The following TEX35 variants were observed in gnomAD, a reference collection of about 807,000 sequenced individuals.
The protein encoded by TEX35 is testis-expressed protein 35.
Under a neutral mutation model 31.9 loss-of-function variants are expected in TEX35, and 26 were observed. That is an observed-to-expected ratio of 0.81 (90% CI 0.60 to 1.13). TEX35 has a LOEUF of 1.13. Ranked by LOEUF, TEX35 falls within the 50% of genes most tolerant of loss-of-function variation. The pLI, the probability that TEX35 is intolerant of heterozygous loss-of-function variation, is 0.00. For missense variants in TEX35, 278 were observed against 273.5 expected, an observed-to-expected ratio of 1.02 and a Z score of -0.12; for synonymous variants, 87 against 90.7, an observed-to-expected ratio of 0.96 and a Z score of 0.23.
intron 4 of TEX35, among the ~76,000 whole-genome samples, chr1:178,516,221 C>G (rs1169931415): frequency 2.0e-5 from 3 of 152,222 alleles, no homozygotes; most frequent in Non-Finnish European, 2.9e-5. Flanking sequence ...CAGGGACCAA[C>G]CCCATCTTCC....
chr1:178,520,129 G>T (rs1650209458), intron 5 of TEX35, among the ~76,000 whole-genome samples: 1 of 152,136 alleles, frequency 6.6e-6, no homozygotes, highest in African/African-American at 2.4e-5. Flanking sequence ...GCTGGCCTCT[G>T]GCTCACCTAG....
chr1:178,522,158 A>C, intron 8 of TEX35, 167 bp from the exon 9 acceptor site: 51 of 945,284 alleles, frequency 5.4e-5, no homozygotes, highest in Non-Finnish European at 7.6e-5. Context: ...TGATGCAGGG[A>C]ACCCCTCAGC....
In TEX35 at chr1:178,513,155, TG is replaced by T; in HGVS notation, c.-30del. The T allele has an allele frequency of 2.5e-6, 4 of 1,612,512 alleles. No individual in the cohort carries two copies. The highest frequency in any genetic ancestry group is 3.4e-6 in the Non-Finnish European group (4 of 1,178,794). Reference sequence around the variant, plus strand: ...AGTGGCCTGGTCCCAGGGGCTGTTGTGGGGAGTTGAAGAACACCCTGGCCTC... The same window carrying T: ...AGTGGCCTGGTCCCAGGGGCTGTTGTGGGAGTTGAAGAACACCCTGGCCTC... On this transcript the variant is annotated 5_prime_UTR_variant, in exon 1 of 9. Transcript: ENST00000319416.
intron 8 of TEX35, chr1:178,521,540 C>A: frequency 2.2e-6 from 3 of 1,359,032 alleles, no homozygotes; most frequent in East Asian, 2.5e-5. Flanking sequence ...TCAGGTCCTG[C>A]CCTTTCTCCC....
Position 178,513,812 on chromosome 1 carries a change from C to T in TEX35, c.40-215C>T, listed in dbSNP as rs189916414. Among the ~76,000 whole-genome samples, 20 of 152,366 alleles carry T rather than the reference C, an allele frequency of 1.3e-4. No homozygotes were observed. The East Asian group carries it at 3.5e-3, about 26-fold the overall frequency. On this transcript the variant is annotated intron_variant, in intron 1 of 8. Coordinates refer to ENST00000319416, the MANE Select transcript of TEX35 (RefSeq NM_032126.5). ...GGGCTGCCTGCCAAATAGGCAGACA[C>T]ACGCCCATAGGAAGAGGACAGCACG...
rs80002908 is a variant in TEX35, at chr1:178,513,836, C to T, written c.40-191C>T. On this transcript the variant is annotated intron_variant, in intron 1 of 8. Transcript: ENST00000319416. ...ACACGCCCATAGGAAGAGGACAGCACGACAAGATGTGATTTGTTAGGAATC... is the reference window on the plus strand; with the variant it reads ...ACACGCCCATAGGAAGAGGACAGCATGACAAGATGTGATTTGTTAGGAATC... 5.3e-3 allele frequency among the ~76,000 whole-genome samples: 811 copies of T among 152,286 alleles called. 3 individuals are homozygous for T. Among genetic ancestry groups the T allele is most frequent in the African/African-American group, 0.018 (766 of 41,564 alleles).
At chr1:178,521,368 G>A (rs1650271330) in intron 8 of TEX35, 104 bp downstream of exon 8, 1 of 1,341,780 alleles carries the variant, frequency 7.5e-7, no homozygotes, top group Non-Finnish European at 1.1e-6. Context: ...TCCTGAGGTT[G>A]TGCCAGGAGT....
rs369404446 is a variant in TEX35 at position 178,520,712 on chromosome 1, G to T, written c.381G>T (p.Arg127Ser). ...RRAPKEQQEL[R>S]LMGKTHREPQ... Reference sequence around the variant, plus strand: ...CACCAAAGGAGCAGCAGGAACTCAGGCTGATGGGAAAGACTCACAGAGAAC... The same window carrying T: ...CACCAAAGGAGCAGCAGGAACTCAGTCTGATGGGAAAGACTCACAGAGAAC... Residue 127 changes from arginine (R) to serine (S), a missense_variant, in exon 7 of 9, where the codon AGG becomes AGT. By Grantham distance (110) the Arg-to-Ser change is moderately radical. Transcript: ENST00000319416. The T allele has an allele frequency of 1.9e-6, 3 of 1,614,076 alleles. No individual in the cohort carries two copies. Among genetic ancestry groups the T allele is most frequent in the South Asian group, 1.1e-5 (1 of 91,072 alleles).
chr1:178,520,903 C>A (rs1417237805), intron 7 of TEX35, 29 bp downstream of exon 7: 1 of 1,612,448 alleles, frequency 6.2e-7, no homozygotes, highest in Non-Finnish European at 8.5e-7. Context: ...GAGCCCAGCA[C>A]TGGTGCCAGA....
rs184267032 is a variant in TEX35, at chr1:178,514,328, C to T, written c.90+251C>T. 1,038 of 1,321,070 alleles carry T rather than the reference C, an allele frequency of 7.9e-4. 2 individuals carry two copies. The highest frequency in any genetic ancestry group is 3.4e-3 in the Admixed American group (123 of 36,446). 81.8% of individuals were successfully genotyped at this position (1,321,070 alleles called of 1,614,324 possible). A position where few individuals can be genotyped will look rare whatever the true frequency, so the allele number is the denominator to read the frequency against. On this transcript the variant is annotated intron_variant, in intron 2 of 8. Coordinates refer to ENST00000319416, the MANE Select transcript of TEX35 (RefSeq NM_032126.5). ...ACAGGGAGACATGTCTGAGTGGCTG[C>T]CGTGGAGTGGGTGGTAGGGAAAGGC...
intron 5 of TEX35, 88 bp from the exon 6 acceptor site, chr1:178,520,284 G>C: frequency 7.5e-7 from 1 of 1,338,362 alleles, no homozygotes; most frequent in Non-Finnish European, 1.0e-6. Flanking sequence ...GAGGAAGTAA[G>C]ATGCAGAATG....
At chr1:178,521,933 G>A (rs555523380) in intron 8 of TEX35, 11 of 1,219,788 alleles carry the variant, frequency 9.0e-6, no homozygotes, top group African/African-American at 6.1e-5. Flanking sequence ...ATGGATTGGT[G>A]GGAAATTACA....
chr1:178,517,533 C>A (rs1650124374), intron 5 of TEX35, among the ~76,000 whole-genome samples: 1 of 152,236 alleles, frequency 6.6e-6, no homozygotes, highest in Admixed American at 6.5e-5. Flanking sequence ...AGCCTTTCAC[C>A]TATGCCCTCC....
chr1:178,517,117 T>C (rs1164359026), intron 5 of TEX35, among the ~76,000 whole-genome samples: 1 of 152,196 alleles, frequency 6.6e-6, no homozygotes, highest in Non-Finnish European at 1.5e-5. Flanking sequence ...CCTTGTAGTT[T>C]AGACAAGTTC....
At chr1:178,521,307 C>G (rs371807679) in intron 8 of TEX35, 43 bp downstream of exon 8, 32 of 1,608,752 alleles carry the variant, frequency 2.0e-5, no homozygotes, top group Middle Eastern at 1.7e-4. Context: ...CGATCAGGTG[C>G]CTTGTTGTCC....
intron 5 of TEX35, among the ~76,000 whole-genome samples, chr1:178,518,204 T>C (rs1233717857): frequency 1.3e-5 from 2 of 151,948 alleles, no homozygotes; most frequent in African/African-American, 4.8e-5. Context: ...ATTGTTACAC[T>C]CAAGCAAAAT....
intron 7 of TEX35, 52 bp downstream of exon 7, chr1:178,520,926 G>A (rs369683534): frequency 1.2e-6 from 2 of 1,604,396 alleles, no homozygotes; most frequent in South Asian, 1.1e-5. Context: ...CCTGGCTCCG[G>A]CTCCCTGGTG....
At position 178,516,805 on chromosome 1, in the gene TEX35, G is replaced by C. The variant is rs1650095681; in HGVS notation, c.276+131G>C. The C allele has an allele frequency of 6.9e-6, 4 of 582,742 alleles. No homozygotes were observed. In the African/African-American group the frequency reaches 7.7e-5, roughly 11 times the overall value. The allele number at this position is 582,742 out of a possible 1,614,324, so 36.1% of individuals were successfully genotyped here. ...CCATATTCCATTGCAAGAAAGCATT[G>C]CAAGCCAAATAATTAATTCGTTGTT... On this transcript the variant is annotated intron_variant, in intron 5 of 8. Transcript: ENST00000319416.
intron 7 of TEX35, 112 bp downstream of exon 7, chr1:178,520,986 T>C: frequency 1.3e-6 from 2 of 1,552,418 alleles, no homozygotes; most frequent in Non-Finnish European, 8.7e-7. Flanking sequence ...GTCCGCCCGC[T>C]GCTGACTTCT....
Sources: allele counts gnomAD v4.1 joint callset (sites outside exome capture counted in the v4.1 genomes callset), GRCh38; gene constraint gnomAD v4.1.1; transcripts MANE v1.5; gene names NCBI Gene and HGNC (gene_info 2026-07-23, HGNC 2026-07-21).